Variants in SLC15A5 observed in about 807,000 individuals in gnomAD.
SLC15A5 encodes the protein Peptide/histidine transporter ENSP00000340402.
In SLC15A5, 58 loss-of-function variants were observed where a neutral mutation model predicts 56.1. The ratio of observed to expected loss-of-function variants is 1.03; its 90% CI spans 0.84 to 1.29. The LOEUF (loss-of-function observed/expected upper bound fraction) is 1.29. SLC15A5 is among the 50% of genes most tolerant of loss of function. The pLI is 0.00. For missense variants in SLC15A5, 681 were observed against 672.1 expected (o/e 1.01, Z -0.15); for synonymous variants, 264 against 250.5 (o/e 1.05, Z -0.51).
At chr12:16,254,040 C>A (rs1293498741) in intron 3 of SLC15A5, among the ~76,000 whole-genome samples, 8 of 152,030 alleles carry the variant, frequency 5.3e-5, no homozygotes, top group Non-Finnish European at 1.2e-4. Flanking sequence ...TCCCACATGT[C>A]CATTGTTAGA....
At chr12:16,244,487 A>G in intron 4 of SLC15A5, 93 bp downstream of exon 4, 1 of 1,143,616 alleles carries the variant, frequency 8.7e-7, no homozygotes, top group East Asian at 2.6e-5. Context: ...ATATATGGAA[A>G]GCGCTCGTTG....
At chr12:16,230,081 T>G (rs192721780) in intron 5 of SLC15A5, among the ~76,000 whole-genome samples, 11 of 151,740 alleles carry the variant, frequency 7.2e-5, no homozygotes, top group Admixed American at 6.6e-4. Context: ...CTGAAGTAGA[T>G]GAGAGAGAGA....
intron 7 of SLC15A5, among the ~76,000 whole-genome samples, chr12:16,202,627 C>G (rs1388405129): frequency 1.3e-5 from 2 of 152,102 alleles, no homozygotes; most frequent in African/African-American, 4.8e-5. Context: ...GAGTTGAAAT[C>G]AGTATATCAA....
At chr12:16,214,261 A>C (rs1864109654) in intron 7 of SLC15A5, among the ~76,000 whole-genome samples, 1 of 152,264 alleles carries the variant, frequency 6.6e-6, no homozygotes, top group Admixed American at 6.5e-5. Context: ...TTGTGTGATT[A>C]AAAAATTTGC....
chr12:16,273,823 G>A (rs1864788717), intron 1 of SLC15A5, among the ~76,000 whole-genome samples: 1 of 149,410 alleles, frequency 6.7e-6, no homozygotes, highest in Admixed American at 6.7e-5. Context: ...AAAAATAGAG[G>A]AAAGCACTCA....
rs945149486 is a variant in SLC15A5 at position 16,271,726 on chromosome 12, A to G, written c.584+835T>C. Among the ~76,000 whole-genome samples the G allele has an allele frequency of 6.6e-6, 1 of 152,194 alleles. No individual in the cohort carries two copies. Among genetic ancestry groups the G allele is most frequent in the Non-Finnish European group, 1.5e-5 (1 of 68,034 alleles). On this transcript the variant is annotated intron_variant, in intron 2 of 8. Coordinates refer to ENST00000344941, the MANE Select transcript of SLC15A5 (RefSeq NM_001170798.1). This position sits in a 1 kb window ranked among gnomAD's most constrained non-coding sequence, Gnocchi z 8.0. ...CATCCACTGATAGATAACAAAGAAT[A>G]ACAAAGAAGTTTTATACTAAATTCT...
At chr12:16,263,245 C>T (rs2136814121) in intron 2 of SLC15A5, among the ~76,000 whole-genome samples, 1 of 152,174 alleles carries the variant, frequency 6.6e-6, no homozygotes, top group South Asian at 2.1e-4. Context: ...AGATGAGACA[C>T]TTGGAAACTG....
intron 3 of SLC15A5, among the ~76,000 whole-genome samples, chr12:16,247,425 C>T (rs1198508902): frequency 6.6e-6 from 1 of 152,072 alleles, no homozygotes; most frequent in Non-Finnish European, 1.5e-5. Context: ...GTTTTGGGCC[C>T]TGAAAATATA....
chr12:16,207,488 T>C (rs1461982186), intron 7 of SLC15A5, among the ~76,000 whole-genome samples: 1 of 152,160 alleles, frequency 6.6e-6, no homozygotes, highest in East Asian at 1.9e-4. Flanking sequence ...TCATCCTGTG[T>C]CTTGTGCTCT....
intron 1 of SLC15A5, among the ~76,000 whole-genome samples, chr12:16,277,070 T>C (rs908621837): frequency 6.6e-6 from 1 of 151,510 alleles, no homozygotes; most frequent in Non-Finnish European, 1.5e-5. Context: ...AAGATAGATA[T>C]GTAAAGGAGT....
intron 6 of SLC15A5, among the ~76,000 whole-genome samples, chr12:16,218,604 A>G (rs1864154246): frequency 6.6e-6 from 1 of 152,194 alleles, no homozygotes; most frequent in Non-Finnish European, 1.5e-5. Context: ...ACTGTTGGCA[A>G]TTAGAGCACA....
intron 3 of SLC15A5, among the ~76,000 whole-genome samples, chr12:16,252,961 AGT>A (rs1414454225): frequency 6.6e-6 from 1 of 152,150 alleles, no homozygotes; most frequent in Non-Finnish European, 1.5e-5. Flanking sequence ...AATGGAACAG[AGT>A]AGAGAGCCCA....
intron 3 of SLC15A5, among the ~76,000 whole-genome samples, chr12:16,257,211 C>T (rs1021553176): frequency 6.6e-6 from 1 of 151,952 alleles, no homozygotes; most frequent in Middle Eastern, 3.4e-3. Context: ...CATACACCTA[C>T]ATAATATATT....
chr12:16,217,265 A>G (rs1218674454), intron 6 of SLC15A5, among the ~76,000 whole-genome samples: 1 of 152,194 alleles, frequency 6.6e-6, no homozygotes, highest in Non-Finnish European at 1.5e-5. Context: ...TTGATTACTT[A>G]GTAGTTGAGT....
intron 7 of SLC15A5, among the ~76,000 whole-genome samples, chr12:16,202,884 C>G (rs1217117772): frequency 6.6e-6 from 1 of 152,018 alleles, no homozygotes; most frequent in East Asian, 1.9e-4. Flanking sequence ...ACCATATCAT[C>G]TCACTTATAT....
At chr12:16,275,732 C>A (rs1361643539) in intron 1 of SLC15A5, among the ~76,000 whole-genome samples, 1 of 151,940 alleles carries the variant, frequency 6.6e-6, no homozygotes, top group Admixed American at 6.6e-5. Context: ...CTTTTGTTTG[C>A]CAGATTCCAA....
chr12:16,245,233 G>T (rs1864451162), intron 3 of SLC15A5, among the ~76,000 whole-genome samples: 1 of 152,058 alleles, frequency 6.6e-6, no homozygotes, highest in Non-Finnish European at 1.5e-5. Context: ...TACTTGGCAG[G>T]TAGAGGGTGG....
intron 4 of SLC15A5, among the ~76,000 whole-genome samples, chr12:16,241,458 G>T (rs921063080): frequency 7.9e-5 from 12 of 152,164 alleles, no homozygotes; most frequent in Admixed American, 5.9e-4. Flanking sequence ...TGTTAACTGC[G>T]CAAACACAGG....
intron 7 of SLC15A5, among the ~76,000 whole-genome samples, chr12:16,213,557 A>G (rs1386803839): frequency 6.6e-6 from 1 of 152,202 alleles, no homozygotes; most frequent in South Asian, 2.1e-4. Context: ...TTTTCTGGGC[A>G]CTAGATTATG....
Sources: allele counts gnomAD v4.1 joint callset (sites outside exome capture counted in the v4.1 genomes callset), GRCh38; gene constraint gnomAD v4.1.1; non-coding constraint Gnocchi (gnomAD v3.1); transcripts MANE v1.5; gene names NCBI Gene and HGNC (gene_info 2026-07-23, HGNC 2026-07-21).